Variants in TTLL11 observed in about 807,000 individuals in gnomAD.
The protein encoded by TTLL11 is tubulin tyrosine ligase like 11.
Under a neutral mutation model 51.7 loss-of-function variants are expected in TTLL11, and 42 were observed. The observed-to-expected ratio is 0.81, with a 90% confidence interval of 0.64 to 1.05. The LOEUF is 1.05. Ranked by LOEUF, TTLL11 falls within the 50% of genes least tolerant of loss-of-function variation. The pLI is 0.00. For missense variants in TTLL11, 799 were observed against 940.4 expected, an observed-to-expected ratio of 0.85 and a Z score of 1.97; for synonymous variants, 381 against 383.5, an observed-to-expected ratio of 0.99 and a Z score of 0.08.
chr9:121,887,700 C>T (rs375347861), intron 6 of TTLL11, among the ~76,000 whole-genome samples: 14 of 152,366 alleles, frequency 9.2e-5, no homozygotes, highest in African/African-American at 3.4e-4. Flanking sequence ...CACTTTCCCA[C>T]AGGCGAGGGG....
intron 3 of TTLL11, among the ~76,000 whole-genome samples, chr9:122,016,893 T>C (rs896528593): frequency 1.3e-5 from 2 of 152,150 alleles, no homozygotes; most frequent in African/African-American, 4.8e-5. Flanking sequence ...CTCTAAGGAA[T>C]TTTTTTATTG....
At chr9:122,076,678 G>T (rs1204791921) in intron 1 of TTLL11, among the ~76,000 whole-genome samples, 3 of 147,236 alleles carry the variant, frequency 2.0e-5, no homozygotes, top group Non-Finnish European at 4.5e-5. Flanking sequence ...CTCAAAGAAT[G>T]ATCAGCAAGT....
At chr9:121,972,944 T>C (rs981831713) in intron 6 of TTLL11, among the ~76,000 whole-genome samples, 3 of 152,242 alleles carry the variant, frequency 2.0e-5, no homozygotes, top group African/African-American at 7.2e-5. Flanking sequence ...CCTCCCAGTC[T>C]TGAACAATTA....
chr9:121,858,156 G>C (rs981443265), intron 8 of TTLL11, among the ~76,000 whole-genome samples: 7 of 152,238 alleles, frequency 4.6e-5, no homozygotes, highest in African/African-American at 1.7e-4. Flanking sequence ...GCCAGGGAGG[G>C]CTGTAAGGGA....
At chr9:121,987,619 T>C (rs1842970778) in intron 4 of TTLL11, among the ~76,000 whole-genome samples, 1 of 152,112 alleles carries the variant, frequency 6.6e-6, no homozygotes. Context: ...AGAGGACAGT[T>C]TCAGTGCTGG....
chr9:121,984,100 C>G (rs1842887846), intron 4 of TTLL11, among the ~76,000 whole-genome samples: 1 of 152,084 alleles, frequency 6.6e-6, no homozygotes, highest in African/African-American at 2.4e-5. Context: ...ATGTCCAAGA[C>G]AGCAATTGGA....
At chr9:121,922,723 A>C (rs1840586616) in intron 6 of TTLL11, among the ~76,000 whole-genome samples, 1 of 151,288 alleles carries the variant, frequency 6.6e-6, no homozygotes, top group Admixed American at 6.6e-5. Context: ...CATGTCCAAA[A>C]AGCTTTTATT....
intron 7 of TTLL11, among the ~76,000 whole-genome samples, chr9:121,869,628 T>A (rs922664938): frequency 6.6e-6 from 1 of 152,242 alleles, no homozygotes; most frequent in Non-Finnish European, 1.5e-5. Flanking sequence ...AACATACATA[T>A]AATTTCATAG....
intron 2 of TTLL11, among the ~76,000 whole-genome samples, chr9:122,036,115 C>T (rs372403732): frequency 6.6e-6 from 1 of 152,046 alleles, no homozygotes; most frequent in Non-Finnish European, 1.5e-5. Flanking sequence ...GCCCTTGCTC[C>T]GGACCCCCAC....
At chr9:121,911,047 T>C (rs184845519) in intron 6 of TTLL11, among the ~76,000 whole-genome samples, 7 of 152,308 alleles carry the variant, frequency 4.6e-5, no homozygotes, top group African/African-American at 1.4e-4. Context: ...CATACTATAT[T>C]TGAATAAACT....
At chr9:122,025,002 T>C (rs1049054668) in intron 3 of TTLL11, among the ~76,000 whole-genome samples, 7 of 152,048 alleles carry the variant, frequency 4.6e-5, no homozygotes, top group Admixed American at 2.0e-4. Flanking sequence ...CCCATAAGTA[T>C]ATGTACCTAC....
intron 1 of TTLL11, chr9:122,040,505 A>G (rs1301129669): frequency 4.2e-6 from 3 of 713,360 alleles, no homozygotes; most frequent in Non-Finnish European, 5.2e-6. Context: ...AAGAGAGGCC[A>G]TGTTAGTTCA....
At chr9:121,998,284 G>C (rs1367733334) in intron 3 of TTLL11, among the ~76,000 whole-genome samples, 1 of 151,770 alleles carries the variant, frequency 6.6e-6, no homozygotes, top group Non-Finnish European at 1.5e-5. Context: ...ATTTTGTTTT[G>C]TTTGTTTGTT....
At chr9:121,993,804 G>T (rs749753757) in intron 3 of TTLL11, among the ~76,000 whole-genome samples, 2 of 152,160 alleles carry the variant, frequency 1.3e-5, no homozygotes, top group Non-Finnish European at 2.9e-5. Context: ...CAGGTAAGAG[G>T]CCAATTTCTG....
intron 1 of TTLL11, among the ~76,000 whole-genome samples, chr9:122,057,349 A>G (rs1177190059): frequency 7.2e-6 from 1 of 138,866 alleles, no homozygotes; most frequent in African/African-American, 2.8e-5. Flanking sequence ...TTTTTACTGA[A>G]TCTCACTCTG....
At chr9:121,932,137 C>T (rs1046843828) in intron 6 of TTLL11, among the ~76,000 whole-genome samples, 18 of 152,118 alleles carry the variant, frequency 1.2e-4, no homozygotes, top group African/African-American at 4.1e-4. Flanking sequence ...ATCTCCATTA[C>T]GAGCCTATGA....
Position 122,035,885 on chromosome 9 carries a change from C to T in TTLL11, c.559+3387G>A, listed in dbSNP as rs558849801. Among the ~76,000 whole-genome samples the T allele has an allele frequency of 2.0e-5, 3 of 152,304 alleles. No homozygotes were observed. The East Asian group carries it at 5.8e-4, about 29-fold the overall frequency. On this transcript the variant is annotated intron_variant, in intron 2 of 8. Coordinates refer to ENST00000321582, the MANE Select transcript of TTLL11 (RefSeq NM_001139442.2). ...GTTGGGTTCCTACTCATCACCCCTC[C>T]CCTGCCCTGCTCACCTGACGCCCTC...
At chr9:121,881,309 A>G (rs1052207566) in intron 6 of TTLL11, among the ~76,000 whole-genome samples, 2 of 148,862 alleles carry the variant, frequency 1.3e-5, no homozygotes, top group African/African-American at 5.1e-5. Flanking sequence ...AGCCATGTGT[A>G]AAAGTTATTC....
At chr9:121,896,219 A>T (rs1297407792) in intron 6 of TTLL11, among the ~76,000 whole-genome samples, 1 of 152,134 alleles carries the variant, frequency 6.6e-6, no homozygotes, top group East Asian at 1.9e-4. Context: ...AATGCTGGGA[A>T]TGGTTCCACC....
Sources: gnomAD v4.1 joint callset for allele counts (sites outside exome capture counted in the v4.1 genomes callset) on GRCh38, gnomAD v4.1.1 for gene constraint, MANE v1.5 for transcripts, NCBI Gene and HGNC (gene_info 2026-07-23, HGNC 2026-07-21) for gene names.